The following CHST10 variants were observed in gnomAD, a reference collection of about 807,000 sequenced individuals.
CHST10 encodes the protein HNK-1 sulfotransferase.
In CHST10, 24 loss-of-function variants were observed where a neutral mutation model predicts 34.7. The ratio of observed to expected loss-of-function variants is 0.69; its 90% confidence interval spans 0.50 to 0.97. CHST10 has a LOEUF of 0.97. CHST10 is among the 50% of genes least tolerant of loss of function. CHST10 has a pLI of 0.00. For missense variants in CHST10, 402 were observed against 452.1 expected (o/e 0.89, Z 1.00); for synonymous variants, 161 against 169.3 (o/e 0.95, Z 0.38).
intron 3 of CHST10, among the ~76,000 whole-genome samples, chr2:100,406,073 G>C (rs1035876456): frequency 6.6e-6 from 1 of 152,212 alleles, no homozygotes; most frequent in African/African-American, 2.4e-5. Flanking sequence ...CCTACGTTCA[G>C]TAAAGGAGAG....
chr2:100,408,136 T>C (rs1675663934), intron 2 of CHST10: 1 of 118,150 alleles, frequency 8.5e-6, no homozygotes, highest in Admixed American at 7.9e-5. Context: ...TTTTTTAGTA[T>C]AAAGTATGTC....
intron 4 of CHST10, 142 bp downstream of exon 4, chr2:100,402,422 G>A (rs1187705316): frequency 3.0e-6 from 2 of 666,806 alleles, no homozygotes; most frequent in East Asian, 2.6e-5. Flanking sequence ...TTAACAAGGT[G>A]AACTAACATG....
chr2:100,394,140 A>G (rs555101574), intron 6 of CHST10, among the ~76,000 whole-genome samples: 1 of 152,220 alleles, frequency 6.6e-6, no homozygotes, highest in African/African-American at 2.4e-5. Context: ...GCAGAAAATC[A>G]TAAGGGCAGG....
chr2:100,403,070 A>G (rs1675412774), intron 3 of CHST10, among the ~76,000 whole-genome samples: 1 of 152,242 alleles, frequency 6.6e-6, no homozygotes. Flanking sequence ...TCTAAAATAT[A>G]TAAAGAATCC....
At chr2:100,412,922 C>T (rs1047159400) in intron 2 of CHST10, among the ~76,000 whole-genome samples, 1 of 152,176 alleles carries the variant, frequency 6.6e-6, no homozygotes, top group African/African-American at 2.4e-5. Flanking sequence ...GAAAACAACA[C>T]AAAACTCTGC....
intron 2 of CHST10, among the ~76,000 whole-genome samples, chr2:100,410,758 T>G (rs1010453833): frequency 2.0e-5 from 3 of 152,224 alleles, no homozygotes; most frequent in Non-Finnish European, 4.4e-5. Context: ...AGCATGTATA[T>G]GCATTCAAAT....
At chr2:100,399,102 CTTT>C (rs34834152) in intron 4 of CHST10, among the ~76,000 whole-genome samples, 35 of 137,602 alleles carry the variant, frequency 2.5e-4, no homozygotes, top group Admixed American at 2.9e-4. Context: ...CTCTCTCTCT[CTTT>C]TTTTTTTTTT....
chr2:100,398,062 G>A lies in CHST10; in HGVS notation c.273C>T (p.Val91=). The A allele has an allele frequency of 1.2e-6, 2 of 1,614,232 alleles. No individual in the cohort carries two copies. The highest frequency in any genetic ancestry group is 2.2e-5 in the East Asian group (1 of 44,872). Residue 91 remains valine (V), a synonymous_variant, in exon 5 of 7, where the codon GTC becomes GTT. Coordinates refer to ENST00000264249, the MANE Select transcript of CHST10 (RefSeq NM_004854.5). ...GATTCTTCAGGGCATCATCCCTGCA[G>A]ACGTTTCTGATGAGTTCCAGGCGCT... The part of the protein sequence containing the change: ...YMERLELIRN[V]CRDDALKNLS...
At chr2:100,395,476 C>T in intron 6 of CHST10, 33 bp downstream of exon 6, 2 of 1,581,672 alleles carry the variant, frequency 1.3e-6, no homozygotes, top group Non-Finnish European at 8.7e-7. Context: ...TTTACAAAAA[C>T]TCCCCCCTCC....
intron 5 of CHST10, among the ~76,000 whole-genome samples, chr2:100,397,441 G>T: frequency 6.6e-6 from 1 of 152,332 alleles, no homozygotes; most frequent in South Asian, 2.1e-4. Flanking sequence ...TGCAGGTAAA[G>T]AGGCTCCAGG....
At chr2:100,414,777 G>T (rs1298757137) in intron 2 of CHST10, among the ~76,000 whole-genome samples, 2 of 152,042 alleles carry the variant, frequency 1.3e-5, no homozygotes, top group Non-Finnish European at 2.9e-5. Context: ...GTTAAGACAG[G>T]TTTTCATGAA....
At chr2:100,413,063 C>T (rs1011034247) in intron 2 of CHST10, among the ~76,000 whole-genome samples, 1 of 152,214 alleles carries the variant, frequency 6.6e-6, no homozygotes, top group Non-Finnish European at 1.5e-5. Context: ...CTGAGGATGA[C>T]ACCACCAAGG....
At position 100,395,545 on chromosome 2, in the gene CHST10, C is replaced by G. The variant is rs1391116591; in HGVS notation, c.497G>C (p.Arg166Pro). The part of the protein sequence containing the change: ...VHDHEKNGLP[R>P]LSSFSDAEIQ... ...TTCTGCATCACTGAAGGAAGAGAGC[C>G]GAGGAAGGCCGTTCTTCTCGTGGTC... Residue 166 changes from arginine (R) to proline (P), a missense_variant, in exon 6 of 7, where the codon CGG (arginine) becomes CCG (proline). Transcript: ENST00000264249. The G allele has an allele frequency of 1.2e-6, 2 of 1,613,786 alleles. No individual in the cohort carries two copies. Among genetic ancestry groups the G allele is most frequent in the Non-Finnish European group, 1.7e-6 (2 of 1,179,840 alleles).
Position 100,415,049 on chromosome 2 carries a change from G to C in CHST10, c.-41C>G. On this transcript the variant is annotated 5_prime_UTR_variant, in exon 2 of 7. Coordinates refer to ENST00000264249, the MANE Select transcript of CHST10 (RefSeq NM_004854.5). ...CATTCTCCTTCACGTACCTTCTGCA[G>C]CCTGGGGCTCACATTTCCTTGCTGT... 1 of 1,303,478 alleles carries C rather than the reference G, an allele frequency of 7.7e-7. No individual in the cohort carries two copies. The allele number at this position is 1,303,478 out of a possible 1,614,324, so 80.7% of individuals were successfully genotyped here.
At chr2:100,413,084 C>T (rs1675914254) in intron 2 of CHST10, among the ~76,000 whole-genome samples, 1 of 152,224 alleles carries the variant, frequency 6.6e-6, no homozygotes, top group Non-Finnish European at 1.5e-5. Context: ...CTCATTATTT[C>T]TGTCTACAAG....
Position 100,415,062 on chromosome 2 carries a change from A to G in CHST10, c.-54T>C, listed in dbSNP as rs181993153. The G allele has an allele frequency of 6.9e-6, 9 of 1,303,504 alleles. No individual in the cohort carries two copies. The African/African-American group carries it at 1.2e-4, about 18-fold the overall frequency. The allele number at this position is 1,303,504 out of a possible 1,614,324, so 80.7% of individuals were successfully genotyped here. A position where few individuals can be genotyped will look rare whatever the true frequency, so the allele number is the denominator to read the frequency against. On this transcript the variant is annotated 5_prime_UTR_variant, in exon 2 of 7. An upstream start codon of the reference 5' UTR is lost. Transcript: ENST00000264249. ...GTACCTTCTGCAGCCTGGGGCTCAC[A>G]TTTCCTTGCTGTGTTTCCCCTGAAC... is the stretch of plus-strand genomic sequence containing the variant.
At chr2:100,394,760 G>A (rs1573170850) in intron 6 of CHST10, among the ~76,000 whole-genome samples, 2 of 144,562 alleles carry the variant, frequency 1.4e-5, no homozygotes, top group South Asian at 4.3e-4. Flanking sequence ...GTCTTGCTCT[G>A]TCGCCCCAGC....
In CHST10 at chr2:100,393,195, T is replaced by TAA; in HGVS notation, c.*49_*50insTT. On this transcript the variant is annotated 3_prime_UTR_variant, in exon 7 of 7. Coordinates refer to ENST00000264249, the MANE Select transcript of CHST10 (RefSeq NM_004854.5). ...TCATTTCTGGGCTCAGATCTTCACC[T>TAA]GGTTAGCCCCAGGTCTAATAAAGAT... 6.3e-7 allele frequency: 1 copy of TAA among 1,579,250 alleles called. No homozygotes were observed. Among genetic ancestry groups the TAA allele is most frequent in the South Asian group, 1.2e-5 (1 of 86,056 alleles).
At chr2:100,405,088 G>A (rs992576064) in intron 3 of CHST10, among the ~76,000 whole-genome samples, 2 of 152,186 alleles carry the variant, frequency 1.3e-5, no homozygotes, top group Admixed American at 6.5e-5. Context: ...GCTTCAGGAG[G>A]GATCTCTCAG....
Sources: allele counts gnomAD v4.1 joint callset (sites outside exome capture counted in the v4.1 genomes callset), GRCh38; gene constraint gnomAD v4.1.1; transcripts MANE v1.5; gene names NCBI Gene and HGNC (gene_info 2026-07-23, HGNC 2026-07-21).